The following THSD7A variants were observed in gnomAD, a reference collection of about 807,000 sequenced individuals.
The protein encoded by THSD7A is thrombospondin type 1 domain containing 7A.
THSD7A carries 96 observed loss-of-function variants against 231.3 expected under a neutral mutation model. That is an observed-to-expected ratio of 0.41 (90% CI 0.35 to 0.49). The LOEUF (loss-of-function observed/expected upper bound fraction) is 0.49. THSD7A is among the 20% of genes least tolerant of loss of function. THSD7A has a pLI of 0.05. For missense variants in THSD7A, 2,290 were observed against 2,070.2 expected (o/e 1.11, Z -2.06); for synonymous variants, 940 against 743.3 (o/e 1.26, Z -4.30).
At chr7:11,585,561 A>T (rs1319253670) in intron 4 of THSD7A, among the ~76,000 whole-genome samples, 3 of 152,228 alleles carry the variant, frequency 2.0e-5, no homozygotes, top group Non-Finnish European at 4.4e-5. Context: ...TAAACTTCTA[A>T]ATAAAGACCA....
intron 4 of THSD7A, among the ~76,000 whole-genome samples, chr7:11,546,585 A>G (rs1789410744): frequency 6.6e-6 from 1 of 152,228 alleles, no homozygotes; most frequent in South Asian, 2.1e-4. Flanking sequence ...CAGCAGTTTC[A>G]AAGATTTAAG....
chr7:11,694,507 A>G (rs1262099879), intron 1 of THSD7A, among the ~76,000 whole-genome samples: 1 of 151,600 alleles, frequency 6.6e-6, no homozygotes. Flanking sequence ...TAGAATACCA[A>G]TGAAAGTGCT....
intron 1 of THSD7A, among the ~76,000 whole-genome samples, chr7:11,777,605 T>C (rs1006157629): frequency 6.6e-6 from 1 of 152,174 alleles, no homozygotes; most frequent in Admixed American, 6.5e-5. Context: ...TCCTACATTT[T>C]ACCTATTTCT....
intron 16 of THSD7A, among the ~76,000 whole-genome samples, chr7:11,421,072 T>A (rs1784127250): frequency 6.6e-6 from 1 of 152,170 alleles, no homozygotes. Flanking sequence ...GGATTTGAAC[T>A]TTAGAGTTAA....
intron 6 of THSD7A, among the ~76,000 whole-genome samples, chr7:11,529,203 C>T (rs986508759): frequency 7.2e-5 from 11 of 152,054 alleles, no homozygotes; most frequent in African/African-American, 2.2e-4. Context: ...AGCTCAATGT[C>T]AACTCAGAGA....
intron 1 of THSD7A, among the ~76,000 whole-genome samples, chr7:11,817,253 C>A (rs1315588504): frequency 2.0e-5 from 3 of 152,160 alleles, no homozygotes; most frequent in Non-Finnish European, 4.4e-5. Context: ...CACAGCATCA[C>A]CGAGCAGGAA....
intron 1 of THSD7A, among the ~76,000 whole-genome samples, chr7:11,802,668 A>T (rs1784308327): frequency 6.6e-6 from 1 of 152,204 alleles, no homozygotes; most frequent in Non-Finnish European, 1.5e-5. Flanking sequence ...TTTTATGATT[A>T]AAGTGAGGAT....
At chr7:11,512,842 G>A (rs941751581) in intron 6 of THSD7A, among the ~76,000 whole-genome samples, 8 of 149,856 alleles carry the variant, frequency 5.3e-5, no homozygotes, top group South Asian at 2.1e-4. Context: ...ACGAGTTAAG[G>A]GGTGCAACAT....
chr7:11,510,877 A>T (rs1007405273), intron 6 of THSD7A, among the ~76,000 whole-genome samples: 8 of 152,176 alleles, frequency 5.3e-5, no homozygotes, highest in African/African-American at 1.9e-4. Flanking sequence ...CTGGCACAAG[A>T]CAGGGATGCC....
At chr7:11,386,151 A>G (rs551269938) in intron 23 of THSD7A, among the ~76,000 whole-genome samples, 1 of 152,280 alleles carries the variant, frequency 6.6e-6, no homozygotes, top group East Asian at 1.9e-4. Flanking sequence ...AGTCTTTGCT[A>G]TTGTGAACAG....
At chr7:11,558,008 T>G (rs564291655) in intron 4 of THSD7A, among the ~76,000 whole-genome samples, 15 of 152,266 alleles carry the variant, frequency 9.9e-5, no homozygotes, top group Admixed American at 2.6e-4. Context: ...TTTTGTGTCT[T>G]GCTAAGTTGG....
At chr7:11,743,252 T>C (rs1204808214) in intron 1 of THSD7A, among the ~76,000 whole-genome samples, 1 of 151,892 alleles carries the variant, frequency 6.6e-6, no homozygotes, top group African/African-American at 2.4e-5. Flanking sequence ...TAATAAATAG[T>C]TGAGGTCCTT....
intron 23 of THSD7A, among the ~76,000 whole-genome samples, chr7:11,382,996 A>G (rs1032802553): frequency 1.3e-5 from 2 of 151,214 alleles, no homozygotes; most frequent in African/African-American, 2.4e-5. Context: ...CTCAGTTTTC[A>G]TTAGCTTGTT....
chr7:11,827,157 A>T (rs960572067), intron 1 of THSD7A, among the ~76,000 whole-genome samples: 3 of 152,122 alleles, frequency 2.0e-5, no homozygotes, highest in Admixed American at 2.0e-4. Context: ...GGTATGAGCC[A>T]CCATGCCCAA....
intron 1 of THSD7A, among the ~76,000 whole-genome samples, chr7:11,658,841 C>A (rs938260878): frequency 6.6e-6 from 1 of 151,616 alleles, no homozygotes; most frequent in Admixed American, 6.6e-5. Context: ...AGTTTTGTTT[C>A]TCTTGAAAAG....
chr7:11,372,614 C>T lies in THSD7A; in HGVS notation c.*3180G>A, dbSNP rs1036951006. The T allele has an allele frequency of 1.3e-5, 2 of 151,964 alleles. No individual in the cohort carries two copies. Among genetic ancestry groups the T allele is most frequent in the African/African-American group, 4.8e-5 (2 of 41,366 alleles). 9.4% of individuals were successfully genotyped at this position (151,964 alleles called of 1,614,324 possible). A position where few individuals can be genotyped will look rare whatever the true frequency, so the allele number is the denominator to read the frequency against. Reference sequence around the variant, plus strand: ...CTACGTGGTTTCTAGTGAAATAGTCCAGCAAAATCATATAATACTGTGTCA... The same window carrying T: ...CTACGTGGTTTCTAGTGAAATAGTCTAGCAAAATCATATAATACTGTGTCA... On this transcript the variant is annotated 3_prime_UTR_variant, in exon 28 of 28. Transcript: ENST00000423059.
Position 11,460,799 on chromosome 7 carries a change from A to T in THSD7A, c.2502-34T>A, listed in dbSNP as rs201897917. ...CAGGAACAGAAGCCCAGTGGGGAAG[A>T]AGCAAAAATGCCAGCAAATCACAGA... On this transcript the variant is annotated intron_variant, in intron 10 of 27. Transcript: ENST00000423059. 4,155 of 1,570,512 alleles carry T rather than the reference A, an allele frequency of 2.6e-3. 10 individuals are homozygous for T. Among genetic ancestry groups the T allele is most frequent in the Non-Finnish European group, 3.3e-3 (3,831 of 1,149,430 alleles).
intron 1 of THSD7A, among the ~76,000 whole-genome samples, chr7:11,639,395 C>T (rs886846495): frequency 6.6e-6 from 1 of 152,092 alleles, no homozygotes; most frequent in African/African-American, 2.4e-5. Context: ...TTGGGCCGGG[C>T]GCTGTGGCTC....
intron 2 of THSD7A, among the ~76,000 whole-genome samples, chr7:11,630,456 T>G (rs1781612157): frequency 6.6e-6 from 1 of 152,184 alleles, no homozygotes; most frequent in African/African-American, 2.4e-5. Context: ...GATGTTAATA[T>G]TTCTAGAGGT....
Sources: gnomAD v4.1 joint callset for allele counts (sites outside exome capture counted in the v4.1 genomes callset) on GRCh38, gnomAD v4.1.1 for gene constraint, MANE v1.5 for transcripts, NCBI Gene and HGNC (gene_info 2026-07-23, HGNC 2026-07-21) for gene names.